The following CEP128 variants were observed in gnomAD, a reference collection of about 807,000 sequenced individuals.
The protein encoded by CEP128 is centrosomal protein 128.
A neutral mutation model predicts 156.7 loss-of-function variants in CEP128; 132 were observed. The ratio of observed to expected loss-of-function variants is 0.84; its 90% CI spans 0.73 to 0.97. CEP128 has a LOEUF of 0.97. CEP128 is among the 50% of genes least tolerant of loss of function. The probability of loss-of-function intolerance (pLI) is 0.00; values close to 1 mark genes in which losing one functional copy is unlikely to be tolerated. For synonymous variants in CEP128, 469 were observed against 448.9 expected (o/e 1.04, Z -0.57); for missense variants, 1,252 against 1,281.9 (o/e 0.98, Z 0.36).
In CEP128 at chr14:80,948,346, T is replaced by C. The variant is rs73344099; in HGVS notation, c.-171-8806A>G. Among the ~76,000 whole-genome samples, 320 of 152,352 alleles carry C rather than the reference T, an allele frequency of 2.1e-3. 2 individuals are homozygous for C. Among genetic ancestry groups the C allele is most frequent in the African/African-American group, 7.4e-3 (306 of 41,586 alleles). On this transcript the variant is annotated intron_variant, in intron 2 of 7. Transcript: ENST00000555529. ...TTGTGCTGAAGCCCTGCTGATCCCA[T>C]GAAGTTCTTTTCAGCCACACACTTA...
intron 22 of CEP128, 38 bp from the exon 23 acceptor site, chr14:80,527,020 A>G (rs1343488883): frequency 4.3e-6 from 4 of 936,642 alleles, no homozygotes; most frequent in Non-Finnish European, 6.7e-6. Flanking sequence ...GAACTGGTAG[A>G]TGAAAGAAAA....
At chr14:80,618,629 G>A (rs142922591) in intron 19 of CEP128, among the ~76,000 whole-genome samples, 11 of 152,194 alleles carry the variant, frequency 7.2e-5, no homozygotes, top group East Asian at 1.9e-4. Context: ...AAGATAGGCC[G>A]TAACTGCTGG....
chr14:80,782,921 T>C (rs952256482), intron 15 of CEP128, among the ~76,000 whole-genome samples: 1 of 152,222 alleles, frequency 6.6e-6, no homozygotes, highest in Middle Eastern at 3.2e-3. Flanking sequence ...TAGGCCCTTT[T>C]AGTAAATTCT....
At chr14:80,730,563 G>A (rs1898227531) in intron 19 of CEP128, among the ~76,000 whole-genome samples, 1 of 152,188 alleles carries the variant, frequency 6.6e-6, no homozygotes, top group African/African-American at 2.4e-5. Flanking sequence ...TCTGGCCCCA[G>A]TGAACTTTGA....
intron 19 of CEP128, among the ~76,000 whole-genome samples, chr14:80,636,078 G>T (rs1178961936): frequency 2.0e-5 from 3 of 152,180 alleles, no homozygotes; most frequent in Non-Finnish European, 4.4e-5. Flanking sequence ...TTGGTTCAGG[G>T]ATACTCAAGT....
intron 13 of CEP128, among the ~76,000 whole-genome samples, chr14:80,815,677 C>T (rs1884809728): frequency 6.6e-6 from 1 of 152,150 alleles, no homozygotes; most frequent in Non-Finnish European, 1.5e-5. Flanking sequence ...ACATGTCCAT[C>T]AATGGATGAA....
chr14:80,830,892 A>C (rs1480346806), intron 13 of CEP128: 4 of 388,404 alleles, frequency 1.0e-5, no homozygotes, highest in Non-Finnish European at 1.8e-5. Flanking sequence ...ATTTAAAAAT[A>C]GTAAAGGATT....
rs558196250 is a variant in CEP128, at chr14:80,832,820, G to A, written c.1058-1526C>T. Among the ~76,000 whole-genome samples the A allele has an allele frequency of 5.9e-5, 9 of 152,286 alleles. No individual in the cohort carries two copies. In the East Asian group the frequency reaches 1.7e-3, roughly 29 times the overall value. On this transcript the variant is annotated intron_variant, in intron 12 of 24. Coordinates refer to ENST00000555265, the MANE Select transcript of CEP128 (RefSeq NM_152446.5). ...ATCTCATATGTTACAAGGGTGGGAG[G>A]AGGGAGTGTCAACAGAGTTTATGTG...
At chr14:80,773,036 G>T (rs1477091128) in intron 16 of CEP128, among the ~76,000 whole-genome samples, 1 of 152,166 alleles carries the variant, frequency 6.6e-6, no homozygotes, top group Non-Finnish European at 1.5e-5. Context: ...ATTATGGGTG[G>T]ATTAAAGGAG....
At chr14:80,522,616 A>T (rs1156769772) in intron 23 of CEP128, among the ~76,000 whole-genome samples, 1 of 152,262 alleles carries the variant, frequency 6.6e-6, no homozygotes. Context: ...ATGTTAATTA[A>T]AACCATATAT....
chr14:80,702,728 T>C (rs1897114501), intron 19 of CEP128, among the ~76,000 whole-genome samples: 1 of 152,160 alleles, frequency 6.6e-6, no homozygotes, highest in African/African-American at 2.4e-5. Flanking sequence ...GACTTTAAAG[T>C]GCATGTTTTT....
At chr14:80,651,037 C>T (rs947767100) in intron 19 of CEP128, among the ~76,000 whole-genome samples, 1 of 152,112 alleles carries the variant, frequency 6.6e-6, no homozygotes, top group African/African-American at 2.4e-5. Flanking sequence ...GGCTGTGAAT[C>T]CACCTGGTCC....
At chr14:80,477,498 A>G (rs1441937706) in exon 15 of CEP128, 4 of 152,202 alleles carry the variant, frequency 2.6e-5, no homozygotes, top group Admixed American at 2.6e-4. Context: ...TAAAATGTAA[A>G]GCACCTCCCC....
intron 18 of CEP128, among the ~76,000 whole-genome samples, chr14:80,743,995 T>C (rs1425243075): frequency 6.6e-6 from 1 of 151,756 alleles, no homozygotes; most frequent in Non-Finnish European, 1.5e-5. Context: ...CTCAGCCTCC[T>C]CAGTAGCTGG....
intron 20 of CEP128, among the ~76,000 whole-genome samples, chr14:80,569,520 A>G (rs1876635282): frequency 6.6e-6 from 1 of 152,218 alleles, no homozygotes; most frequent in African/African-American, 2.4e-5. Flanking sequence ...GAATGCTGAT[A>G]CAGTGTGGTT....
At chr14:80,689,681 T>G (rs1187329047) in intron 19 of CEP128, among the ~76,000 whole-genome samples, 1 of 152,200 alleles carries the variant, frequency 6.6e-6, no homozygotes, top group Non-Finnish European at 1.5e-5. Flanking sequence ...TGTGTGTGTG[T>G]GTATGTGTAT....
At chr14:80,657,420 G>C (rs1595165077) in intron 19 of CEP128, among the ~76,000 whole-genome samples, 1 of 152,028 alleles carries the variant, frequency 6.6e-6, no homozygotes, top group East Asian at 1.9e-4. Context: ...GGGAGGCCAA[G>C]GTGGGCAGAT....
intron 18 of CEP128, 148 bp downstream of exon 18, chr14:80,756,744 C>T: frequency 1.7e-6 from 1 of 586,710 alleles, no homozygotes; most frequent in Non-Finnish European, 3.1e-6. Flanking sequence ...TGGAGATTCC[C>T]TAAGTGGACT....
At chr14:80,794,115 C>A (rs1210879252) in intron 13 of CEP128, among the ~76,000 whole-genome samples, 1 of 152,056 alleles carries the variant, frequency 6.6e-6, no homozygotes, top group South Asian at 2.1e-4. Flanking sequence ...AGAATGGGTT[C>A]CAGGGGTTGG....
Sources: gnomAD v4.1 joint callset for allele counts (sites outside exome capture counted in the v4.1 genomes callset) on GRCh38, gnomAD v4.1.1 for gene constraint, MANE v1.5 for transcripts, NCBI Gene and HGNC (gene_info 2026-07-23, HGNC 2026-07-21) for gene names.